HYDIN: variants seen among roughly 807,000 people sequenced by gnomAD.
HYDIN encodes HYDIN axonemal central pair apparatus protein, also known as axonemal central pair apparatus protein HYDIN.
HYDIN carries 132 observed loss-of-function variants against 403.9 expected under a neutral mutation model. That is an observed-to-expected ratio of 0.33 (90% CI 0.28 to 0.38). HYDIN has a LOEUF of 0.38. Among genes scored for constraint, HYDIN ranks in the 10% least tolerant of loss-of-function variants. The pLI is 1.00. For synonymous variants in HYDIN, 1,202 were observed against 1,891.7 expected (o/e 0.64, Z 9.46); for missense variants, 2,827 against 5,009.5 (o/e 0.56, Z 13.15).
At chr16:70,818,314 G>A (rs2035979459) in intron 84 of HYDIN, 28 bp downstream of exon 84, 2 of 1,532,472 alleles carry the variant, frequency 1.3e-6, no homozygotes, top group South Asian at 2.3e-5. Flanking sequence ...CAGCTCTCAG[G>A]GAGCCCCCGA....
chr16:71,017,336 G>A (rs2080296444), intron 23 of HYDIN, among the ~76,000 whole-genome samples: 1 of 131,636 alleles, frequency 7.6e-6, no homozygotes, highest in African/African-American at 3.2e-5. Context: ...GGCGACAAGA[G>A]CGAAACTCTG....
chr16:70,862,086 C>T lies in HYDIN; in HGVS notation c.11739G>A (p.Pro3913=), dbSNP rs767975121. ...TGCTCTCGAAGTCTCCAATGTCCAA[C>T]GGGGAGAATTTTACTTTGAACTTCT... ...KIQKFKVKFS[P]LDIGDFESNL... is the part of the protein sequence containing the mutation. The change falls in exon 69 of 86, where the codon CCG becomes CCA. Residue 3913 remains proline (P), a synonymous_variant. Coordinates refer to ENST00000393567, the MANE Select transcript of HYDIN (RefSeq NM_001270974.2). 34 of 1,606,456 alleles carry T rather than the reference C, an allele frequency of 2.1e-5. No homozygotes were observed. Among genetic ancestry groups the T allele is most frequent in the Middle Eastern group, 1.7e-4 (1 of 6,060 alleles).
At chr16:70,813,627 C>G (rs1168383525) in intron 84 of HYDIN, among the ~76,000 whole-genome samples, 1 of 152,208 alleles carries the variant, frequency 6.6e-6, no homozygotes, top group African/African-American at 2.4e-5. Flanking sequence ...TACAGATCAA[C>G]AAATAACTAA....
rs929316815 is a variant in HYDIN at position 70,803,025 on chromosome 16, T to C, written c.*4555A>G. On this transcript the variant is annotated 3_prime_UTR_variant, in exon 86 of 86. Transcript: ENST00000393567. ...GAATGATTTGGTTCTATTTCTCCAATGTGTGTGCATTTCCACGGGACGCAT... is the reference window on the plus strand; with the variant it reads ...GAATGATTTGGTTCTATTTCTCCAACGTGTGTGCATTTCCACGGGACGCAT... 2.0e-5 allele frequency among the ~76,000 whole-genome samples: 3 copies of C among 152,242 alleles called. No homozygotes were observed. Among genetic ancestry groups the C allele is most frequent in the Non-Finnish European group, 4.4e-5 (3 of 68,046 alleles).
intron 12 of HYDIN, among the ~76,000 whole-genome samples, chr16:71,082,604 A>G (rs1013756017): frequency 9.2e-5 from 14 of 151,658 alleles, no homozygotes; most frequent in Admixed American, 9.2e-4. Flanking sequence ...TGCACAGAGC[A>G]GGTGGAGTAC....
intron 16 of HYDIN, among the ~76,000 whole-genome samples, chr16:71,063,684 T>C (rs1317378076): frequency 6.6e-6 from 1 of 152,168 alleles, no homozygotes; most frequent in Non-Finnish European, 1.5e-5. Context: ...CATAGAACCA[T>C]TCTATTTCTC....
intron 40 of HYDIN, among the ~76,000 whole-genome samples, chr16:70,954,745 C>T (rs1323487186): frequency 1.3e-5 from 2 of 152,184 alleles, no homozygotes; most frequent in African/African-American, 4.8e-5. Context: ...GGGCTACCTT[C>T]CTATTGTGAT....
intron 1 of HYDIN, among the ~76,000 whole-genome samples, chr16:71,211,619 G>C (rs1381323256): frequency 7.3e-6 from 1 of 137,928 alleles, no homozygotes; most frequent in East Asian, 2.2e-4. Context: ...TCCAGCCTGG[G>C]CGACAGAGTG....
Position 71,038,998 on chromosome 16 carries a change from C to T in HYDIN, c.2530-7081G>A, listed in dbSNP as rs561735819. 1.1e-4 allele frequency among the ~76,000 whole-genome samples: 17 copies of T among 152,298 alleles called. No homozygotes were observed. In the South Asian group the frequency reaches 1.2e-3, roughly 11 times the overall value. On this transcript the variant is annotated intron_variant, in intron 18 of 85. Coordinates refer to ENST00000393567, the MANE Select transcript of HYDIN (RefSeq NM_001270974.2). Reference sequence around the variant, plus strand: ...GGTCACATAGTTCTTTTCCCCGAAGCGAGTCACTTTGCTGCTTAAGAAAGT... The same window carrying T: ...GGTCACATAGTTCTTTTCCCCGAAGTGAGTCACTTTGCTGCTTAAGAAAGT...
intron 1 of HYDIN, among the ~76,000 whole-genome samples, chr16:71,222,143 C>A (rs186157278): frequency 5.9e-4 from 90 of 152,294 alleles, no homozygotes; most frequent in Non-Finnish European, 7.2e-4. Context: ...ACATCATGAT[C>A]AAGTGGGTTT....
intron 5 of HYDIN, among the ~76,000 whole-genome samples, chr16:71,165,186 C>T (rs2086163932): frequency 6.6e-6 from 1 of 151,294 alleles, no homozygotes; most frequent in Non-Finnish European, 1.5e-5. Flanking sequence ...GAGGCTGGCG[C>T]ACTTGCGAAG....
chr16:70,884,680 T>TAAAAC (rs60100896), intron 58 of HYDIN, among the ~76,000 whole-genome samples: 11,140 of 146,278 alleles, frequency 0.076, 487 homozygotes, highest in Admixed American at 0.18. Context: ...GAATTAGTGC[T>TAAAAC]AAAACAAAAC....
At chr16:71,172,977 C>G (rs577233793) in intron 5 of HYDIN, among the ~76,000 whole-genome samples, 1 of 152,320 alleles carries the variant, frequency 6.6e-6, no homozygotes, top group Non-Finnish European at 1.5e-5. Context: ...ATGCCTAACC[C>G]TAGCAGGTCA....
chr16:71,150,849 G>C (rs2085510652), intron 7 of HYDIN, among the ~76,000 whole-genome samples: 1 of 152,024 alleles, frequency 6.6e-6, no homozygotes, highest in South Asian at 2.1e-4. Context: ...AGTAATAAAA[G>C]GTACTTACAA....
At chr16:71,204,218 T>C (rs1244654067) in intron 1 of HYDIN, among the ~76,000 whole-genome samples, 1 of 152,236 alleles carries the variant, frequency 6.6e-6, no homozygotes, top group Non-Finnish European at 1.5e-5. Context: ...AAAATTGATC[T>C]TGTTTGTTAA....
At chr16:70,947,639 G>C (rs1250953225) in intron 41 of HYDIN, among the ~76,000 whole-genome samples, 2 of 151,876 alleles carry the variant, frequency 1.3e-5, no homozygotes, top group African/African-American at 4.8e-5. Context: ...TTGTACCTCT[G>C]GTAGCATTCT....
intron 23 of HYDIN, among the ~76,000 whole-genome samples, chr16:71,016,827 T>C (rs112464885): frequency 2.0e-5 from 3 of 152,258 alleles, no homozygotes; most frequent in African/African-American, 7.2e-5. Context: ...ATGACATGGA[T>C]GAACCTTGAG....
intron 9 of HYDIN, among the ~76,000 whole-genome samples, chr16:71,116,232 T>TA (rs2084024102): frequency 7.3e-6 from 1 of 137,002 alleles, no homozygotes; most frequent in African/African-American, 2.7e-5. Flanking sequence ...AGTTAGACCT[T>TA]TTTTTTTTTT....
At chr16:71,042,458 GTCTC>G (rs368647573) in intron 18 of HYDIN, among the ~76,000 whole-genome samples, 3 of 150,118 alleles carry the variant, frequency 2.0e-5, no homozygotes, top group Non-Finnish European at 4.4e-5. Context: ...CACTCTCCAT[GTCTC>G]TCTCTCTCTC....
Sources: allele counts gnomAD v4.1 joint callset (sites outside exome capture counted in the v4.1 genomes callset), GRCh38; gene constraint gnomAD v4.1.1; transcripts MANE v1.5; gene names NCBI Gene and HGNC (gene_info 2026-07-23, HGNC 2026-07-21).